N4BP2: variants seen among roughly 807,000 people sequenced by gnomAD.
N4BP2 encodes NEDD4-binding protein 2.
In N4BP2, 91 loss-of-function variants were observed where a neutral mutation model predicts 152.8. The observed-to-expected ratio is 0.60, with a 90% confidence interval of 0.50 to 0.71. N4BP2 has a LOEUF of 0.71. Among genes scored for constraint, N4BP2 ranks in the 30% least tolerant of loss-of-function variants. The pLI, the probability that N4BP2 is intolerant of heterozygous loss-of-function variation, is 0.00. For missense variants in N4BP2, 1,923 were observed against 2,059.1 expected, an observed-to-expected ratio of 0.93 and a Z score of 1.28; for synonymous variants, 646 against 705.3, an observed-to-expected ratio of 0.92 and a Z score of 1.33.
chr4:40,094,773 A>G (rs1714952979), intron 2 of N4BP2, among the ~76,000 whole-genome samples: 2 of 151,444 alleles, frequency 1.3e-5, no homozygotes, highest in Non-Finnish European at 2.9e-5. Flanking sequence ...GCTGGTCTCA[A>G]ACTCCTGACT....
At chr4:40,070,770 T>C (rs1322189427) in intron 1 of N4BP2, among the ~76,000 whole-genome samples, 1 of 152,132 alleles carries the variant, frequency 6.6e-6, no homozygotes, top group Non-Finnish European at 1.5e-5. Flanking sequence ...TTATACTATA[T>C]TCAGATTTCC....
At chr4:40,183,359 G>C in the N4BP2 span, among the ~76,000 whole-genome samples, 2 of 142,266 alleles carry the variant, frequency 1.4e-5, no homozygotes, top group East Asian at 2.0e-4. Context: ...TTTTTGAGAC[G>C]GCGTCTGGCT....
intron 1 of N4BP2, among the ~76,000 whole-genome samples, chr4:40,072,914 G>T (rs1560571570): frequency 1.3e-5 from 2 of 151,594 alleles, no homozygotes; most frequent in South Asian, 2.1e-4. Flanking sequence ...CAGAGACGGG[G>T]TCTCACCATG....
At chr4:40,126,087 TA>T in intron 11 of N4BP2, 46 bp from the exon 12 acceptor site, 1 of 1,161,078 alleles carries the variant, frequency 8.6e-7, no homozygotes, top group Non-Finnish European at 1.2e-6. Flanking sequence ...ATGTTTAATT[TA>T]TACATTTATT....
At chr4:40,122,335 G>C in intron 9 of N4BP2, 26 bp downstream of exon 9, 1 of 1,415,788 alleles carries the variant, frequency 7.1e-7, no homozygotes, top group Admixed American at 2.2e-5. Context: ...ATGACCATGT[G>C]TGTGTCTTTG....
At chr4:40,182,442 A>C in the N4BP2 span, among the ~76,000 whole-genome samples, 1 of 152,012 alleles carries the variant, frequency 6.6e-6, no homozygotes, top group African/African-American at 2.4e-5. Context: ...TGCTTGTCTG[A>C]GTTCATTTTA....
chr4:40,059,255 A>G (rs1329802578), intron 1 of N4BP2, among the ~76,000 whole-genome samples: 1 of 151,066 alleles, frequency 6.6e-6, no homozygotes, highest in African/African-American at 2.5e-5. Context: ...ATAGCTATCT[A>G]CCTTCTTTGC....
the N4BP2 span, among the ~76,000 whole-genome samples, chr4:40,189,466 G>A: frequency 1.3e-5 from 2 of 152,188 alleles, no homozygotes; most frequent in African/African-American, 4.8e-5. This position sits in a 1 kb window ranked among gnomAD's most constrained non-coding sequence, Gnocchi z 4.3. Flanking sequence ...GTAAAGCTGC[G>A]TGATCAGCTT....
intron 13 of N4BP2, 115 bp from the exon 14 acceptor site, chr4:40,136,829 A>C: frequency 1.4e-6 from 1 of 740,642 alleles, no homozygotes. Flanking sequence ...TTGAAAACTT[A>C]AAAGTAAGCC....
At chr4:40,175,017 A>AT in the N4BP2 span, among the ~76,000 whole-genome samples, 4 of 151,998 alleles carry the variant, frequency 2.6e-5, no homozygotes, top group Non-Finnish European at 5.9e-5. Context: ...TGCATGTAAA[A>AT]TTTTGTTTTG....
At chr4:40,179,241 A>G in the N4BP2 span, among the ~76,000 whole-genome samples, 1 of 152,090 alleles carries the variant, frequency 6.6e-6, no homozygotes, top group East Asian at 1.9e-4. Context: ...GTGGTGGCTG[A>G]CGCCTGTAGT....
chr4:40,122,246 G>A lies in N4BP2; in HGVS notation c.4135G>A (p.Ala1379Thr), dbSNP rs778996888. The A allele has an allele frequency of 6.2e-7, 1 of 1,605,764 alleles. No homozygotes were observed. The highest frequency in any genetic ancestry group is 2.2e-5 in the East Asian group (1 of 44,720). Residue 1379 changes from alanine to threonine, a missense_variant, in exon 9 of 18, where the codon GCA becomes ACA. Transcript: ENST00000261435. ...TCTGACCATAGACTGTCTGGAATTGGCATTACCCCCTGAACTGGCTTTTCA... is the reference window on the plus strand; with the variant it reads ...TCTGACCATAGACTGTCTGGAATTGACATTACCCCCTGAACTGGCTTTTCA... ...KSLTIDCLEL[A>T]LPPELAFQLN...
Position 40,103,044 on chromosome 4 carries a change from C to T in N4BP2, c.1199C>T (p.Ser400Leu), listed in dbSNP as rs762540782. 6.2e-7 allele frequency: 1 copy of T among 1,614,178 alleles called. No individual in the cohort carries two copies. Among genetic ancestry groups the T allele is most frequent in the Non-Finnish European group, 8.5e-7 (1 of 1,180,038 alleles). Residue 400 changes from serine to leucine, a missense_variant, in exon 4 of 18, where the codon TCA becomes TTA. By Grantham distance (145) the Ser-to-Leu change is moderately radical. Coordinates refer to ENST00000261435, the MANE Select transcript of N4BP2 (RefSeq NM_018177.6). Reference protein sequence around the residue: ...WRSVNYTFPPSVISHTSPTKV... With the variant: ...WRSVNYTFPPLVISHTSPTKV... ...TCTGTCAACTACACATTTCCACCCT[C>T]AGTTATTTCTCACACTTCCCCAACA... is the stretch of plus-strand genomic sequence containing the variant.
chr4:40,061,690 G>GT (rs1303368952), intron 1 of N4BP2, among the ~76,000 whole-genome samples: 2 of 150,076 alleles, frequency 1.3e-5, no homozygotes, highest in Non-Finnish European at 3.0e-5. Flanking sequence ...TTTGGGTGGA[G>GT]TTTTGCTCTT....
At chr4:40,172,755 G>A in the N4BP2 span, among the ~76,000 whole-genome samples, 1 of 152,172 alleles carries the variant, frequency 6.6e-6, no homozygotes. Flanking sequence ...AGTGAGGTTG[G>A]ATCAGTTCAA....
At chr4:40,082,881 T>C (rs1344643086) in intron 2 of N4BP2, 1 of 155,010 alleles carries the variant, frequency 6.5e-6, no homozygotes. Flanking sequence ...TTTGTATTTT[T>C]AGTAGAGACG....
In N4BP2 at chr4:40,120,715, T is replaced by C. The variant is rs776225513; in HGVS notation, c.2604T>C (p.Tyr868=). The change falls in exon 9 of 18, where the codon TAT becomes TAC. Residue 868 remains tyrosine, a synonymous_variant. Coordinates refer to ENST00000261435, the MANE Select transcript of N4BP2 (RefSeq NM_018177.6). The part of the protein sequence containing the change: ...DASEPLNSYK[Y]DAYKNIDKNS... ...CAGAGCCACTCAATAGCTATAAATATGATGCTTATAAAAATATTGACAAAA... is the reference window on the plus strand; with the variant it reads ...CAGAGCCACTCAATAGCTATAAATACGATGCTTATAAAAATATTGACAAAA... 2.5e-6 allele frequency: 4 copies of C among 1,614,080 alleles called. No homozygotes were observed. In the South Asian group the frequency reaches 3.3e-5, roughly 13 times the overall value.
chr4:40,111,467 C>T (rs748675972), intron 5 of N4BP2, among the ~76,000 whole-genome samples: 2 of 151,914 alleles, frequency 1.3e-5, no homozygotes, highest in Admixed American at 6.6e-5. Flanking sequence ...ACTACAGGTG[C>T]GTGCCACCAC....
intron 2 of N4BP2, among the ~76,000 whole-genome samples, chr4:40,089,348 G>C (rs915485568): frequency 6.6e-5 from 10 of 151,434 alleles, no homozygotes; most frequent in Non-Finnish European, 1.5e-5. Flanking sequence ...TTTTCTCATA[G>C]TCTGTAGCTT....
Sources: allele counts gnomAD v4.1 joint callset (sites outside exome capture counted in the v4.1 genomes callset), GRCh38; gene constraint gnomAD v4.1.1; non-coding constraint Gnocchi (gnomAD v3.1); transcripts MANE v1.5; gene names NCBI Gene and HGNC (gene_info 2026-07-23, HGNC 2026-07-21).